The following MAOB variants were observed in gnomAD, a reference collection of about 807,000 sequenced individuals.
The protein encoded by MAOB is monoamine oxidase B, also known as amine oxidase [flavin-containing] B.
In MAOB, 15 loss-of-function variants were observed where a neutral mutation model predicts 41.9. The ratio of observed to expected loss-of-function variants is 0.36; its 90% confidence interval spans 0.24 to 0.55. MAOB has a LOEUF of 0.55. MAOB is among the 20% of genes least tolerant of loss of function. The probability of loss-of-function intolerance (pLI) is 0.86; values close to 1 mark genes in which losing one functional copy is unlikely to be tolerated. For missense variants in MAOB, 345 were observed against 398.7 expected (o/e 0.87, Z 1.15); for synonymous variants, 167 against 144.2 (o/e 1.16, Z -1.13).
chrX:43,820,358 G>C (rs552570250), intron 3 of MAOB, among the ~76,000 whole-genome samples: 45 of 112,029 alleles, frequency 4.0e-4, no homozygotes, highest in African/African-American at 1.5e-3. Flanking sequence ...TTAAAAAAGT[G>C]CTTGTTTAAA....
intron 1 of MAOB, among the ~76,000 whole-genome samples, chrX:43,873,251 G>A (rs2035419024): frequency 1.8e-5 from 2 of 111,547 alleles, no homozygotes; most frequent in South Asian, 7.5e-4. Context: ...ACACACCACT[G>A]GGATCACAGC....
At chrX:43,857,142 G>T (rs1894263654) in intron 1 of MAOB, among the ~76,000 whole-genome samples, 3 of 60,279 alleles carry the variant, frequency 5.0e-5, no homozygotes, top group South Asian at 1.2e-3. Flanking sequence ...GAGAGAGAGA[G>T]AGAGAGAGAG....
At chrX:43,797,414 A>G in intron 5 of MAOB, 148 bp from the exon 6 acceptor site, 1 of 377,241 alleles carries the variant, frequency 2.7e-6, no homozygotes, top group Non-Finnish European at 4.3e-6. Flanking sequence ...CTAATATTAC[A>G]AAACGTGACA....
chrX:43,780,813 A>G (rs939239609), intron 9 of MAOB, among the ~76,000 whole-genome samples: 1 of 111,717 alleles, frequency 9.0e-6, no homozygotes, highest in Non-Finnish European at 1.9e-5. Flanking sequence ...AACCTTCTAG[A>G]TTCCATCTCC....
At chrX:43,768,026 A>C (rs2034133557) in intron 14 of MAOB, among the ~76,000 whole-genome samples, 1 of 111,693 alleles carries the variant, frequency 9.0e-6, no homozygotes, top group Non-Finnish European at 1.9e-5. Flanking sequence ...ACAGCCCACA[A>C]TCCCATCCCT....
chrX:43,856,647 A>G (rs1319246480), intron 1 of MAOB, among the ~76,000 whole-genome samples: 4 of 111,891 alleles, frequency 3.6e-5, no homozygotes, highest in Non-Finnish European at 7.5e-5. Flanking sequence ...TATGTATTAT[A>G]TACTGCATTC....
At chrX:43,872,346 G>T (rs2035413650) in intron 1 of MAOB, among the ~76,000 whole-genome samples, 1 of 111,813 alleles carries the variant, frequency 8.9e-6, no homozygotes, top group Admixed American at 9.5e-5. Flanking sequence ...CTACAAACTG[G>T]TGAAGAATCT....
chrX:43,779,261 GGAAAA>G (rs1345321483), intron 10 of MAOB, among the ~76,000 whole-genome samples: 1 of 111,737 alleles, frequency 8.9e-6, no homozygotes, highest in Non-Finnish European at 1.9e-5. Context: ...GAACCCACAG[GGAAAA>G]GACAGTTTTC....
chrX:43,789,638 C>A (rs918922663), intron 8 of MAOB, among the ~76,000 whole-genome samples: 10 of 111,358 alleles, frequency 9.0e-5, no homozygotes, highest in African/African-American at 3.3e-4. Flanking sequence ...GGCGGCTAGA[C>A]TTAGAATGCC....
intron 8 of MAOB, among the ~76,000 whole-genome samples, chrX:43,782,883 A>T (rs1235878711): frequency 1.8e-5 from 2 of 111,886 alleles, no homozygotes; most frequent in Non-Finnish European, 3.8e-5. Context: ...AGAACCAATG[A>T]CCAAAACCAC....
At chrX:43,798,191 C>G (rs1229090170) in intron 5 of MAOB, among the ~76,000 whole-genome samples, 1 of 111,794 alleles carries the variant, frequency 8.9e-6, no homozygotes, top group South Asian at 3.8e-4. Context: ...TGTCTCCCCC[C>G]ACTAGAATAT....
At chrX:43,769,082 T>C (rs1400480846) in intron 13 of MAOB, among the ~76,000 whole-genome samples, 5 of 112,124 alleles carry the variant, frequency 4.5e-5, no homozygotes, top group Non-Finnish European at 9.4e-5. Context: ...AGGTTGATCG[T>C]TTGCCCCATG....
At chrX:43,864,146 A>G (rs770639221) in intron 1 of MAOB, among the ~76,000 whole-genome samples, 14 of 111,838 alleles carry the variant, frequency 1.3e-4, no homozygotes, top group South Asian at 3.7e-4. Context: ...CATGTTAAAC[A>G]TAATGTCAAA....
rs1335276760 is a variant in MAOB, at chrX:43,767,364, C to T, written c.*102G>A. 1.2e-6 allele frequency: 1 copy of T among 842,151 alleles called. No individual in the cohort carries two copies. The highest frequency in any genetic ancestry group is 3.4e-5 in the East Asian group (1 of 29,427). The allele number at this position is 842,151 out of a possible 1,213,427, so 69.4% of individuals were successfully genotyped here. A position where few individuals can be genotyped will look rare whatever the true frequency, so the allele number is the denominator to read the frequency against. ...ATTTATCTTCATGCTCCCCGCCTCA[C>T]TCCACACTATTTGTCTTCATGGAAC... On this transcript the variant is annotated 3_prime_UTR_variant, in exon 15 of 15. Transcript: ENST00000378069.
chrX:43,767,326 C>G lies in MAOB; in HGVS notation c.*140G>C. The stretch of plus-strand genomic sequence containing the variant: ...GGAGAAAGAGATACCATGTATTTTA[C>G]AGTCAGAGTTGGATTTATCTTCATG... On this transcript the variant is annotated 3_prime_UTR_variant, in exon 15 of 15. Coordinates refer to ENST00000378069, the MANE Select transcript of MAOB (RefSeq NM_000898.5). The G allele has an allele frequency of 1.8e-6, 1 of 552,681 alleles. No individual in the cohort carries two copies. The allele number at this position is 552,681 out of a possible 1,213,427, so 45.5% of individuals were successfully genotyped here.
chrX:43,817,925 C>G (rs1197241143), intron 3 of MAOB, among the ~76,000 whole-genome samples: 1 of 112,302 alleles, frequency 8.9e-6, no homozygotes, highest in African/African-American at 3.2e-5. Flanking sequence ...CCTCTCCACG[C>G]TGGAATGTAA....
intron 1 of MAOB, among the ~76,000 whole-genome samples, chrX:43,865,945 A>G (rs2035362550): frequency 9.0e-6 from 1 of 110,897 alleles, no homozygotes; most frequent in Non-Finnish European, 1.9e-5. Context: ...GGAAGACTAC[A>G]CGTGACAGAA....
intron 8 of MAOB, among the ~76,000 whole-genome samples, chrX:43,789,079 C>G (rs1382428917): frequency 8.9e-6 from 1 of 111,870 alleles, no homozygotes; most frequent in Non-Finnish European, 1.9e-5. Context: ...ACATCTTATA[C>G]ACATAGTCTG....
At position 43,772,820 on chromosome X, in the gene MAOB, G is replaced by A. The variant is rs1352623834; in HGVS notation, c.1235+2355C>T. On this transcript the variant is annotated intron_variant, in intron 12 of 14. Coordinates refer to ENST00000378069, the MANE Select transcript of MAOB (RefSeq NM_000898.5). Reference sequence around the variant, plus strand: ...GTGAGTTCTAGCAAGATCTGGTCACGTTAAGAGTGTATGGTACCTCTCCCC... The same window carrying A: ...GTGAGTTCTAGCAAGATCTGGTCACATTAAGAGTGTATGGTACCTCTCCCC... Among the ~76,000 whole-genome samples the A allele has an allele frequency of 7.2e-5, 8 of 110,792 alleles. No individual in the cohort carries two copies. The South Asian group carries it at 1.5e-3, about 21-fold the overall frequency.
Sources: gnomAD v4.1 joint callset for allele counts (sites outside exome capture counted in the v4.1 genomes callset) on GRCh38, gnomAD v4.1.1 for gene constraint, MANE v1.5 for transcripts, NCBI Gene and HGNC (gene_info 2026-07-23, HGNC 2026-07-21) for gene names.